The following ZNF354B variants were observed in gnomAD, a reference collection of about 807,000 sequenced individuals.
The protein encoded by ZNF354B is zinc finger protein 354B.
Under a neutral mutation model 12.9 loss-of-function variants are expected in ZNF354B, and 10 were observed. The ratio of observed to expected loss-of-function variants is 0.77; its 90% CI spans 0.48 to 1.31. ZNF354B has a LOEUF of 1.31. Among genes scored for constraint, ZNF354B ranks in the 40% most tolerant of loss-of-function variants. ZNF354B has a pLI of 0.00. For synonymous variants in ZNF354B, 260 were observed against 243.7 expected, an observed-to-expected ratio of 1.07 and a Z score of -0.62; for missense variants, 614 against 711.7, an observed-to-expected ratio of 0.86 and a Z score of 1.56.
At position 178,882,092 on chromosome 5, in the gene ZNF354B, T is replaced by C. The variant is rs141833722; in HGVS notation, c.257-617T>C. 4.2e-3 allele frequency among the ~76,000 whole-genome samples: 641 copies of C among 152,356 alleles called. 2 individuals carry two copies. The highest frequency in any genetic ancestry group is 7.3e-3 in the Non-Finnish European group (497 of 68,040). ...CTTTAGGACAAAGGTCTATGTATTCTATTATGTTGAGGAAGTATCCCTCAG... is the reference window on the plus strand; with the variant it reads ...CTTTAGGACAAAGGTCTATGTATTCCATTATGTTGAGGAAGTATCCCTCAG... On this transcript the variant is annotated intron_variant, in intron 4 of 4. Coordinates refer to ENST00000322434, the MANE Select transcript of ZNF354B (RefSeq NM_058230.3).
Position 178,884,366 on chromosome 5 carries a change from T to C in ZNF354B, c.*75T>C. 5 of 1,425,320 alleles carry C rather than the reference T, an allele frequency of 3.5e-6. No homozygotes were observed. Among genetic ancestry groups the C allele is most frequent in the Non-Finnish European group, 4.7e-6 (5 of 1,059,944 alleles). 88.3% of individuals were successfully genotyped at this position (1,425,320 alleles called of 1,614,324 possible). On this transcript the variant is annotated 3_prime_UTR_variant, in exon 5 of 5. Transcript: ENST00000322434. ...TTAAATATAATGAATATGAGAAAACTCTTAGTTCTCATCAGATACTAAGTT... is the reference window on the plus strand; with the variant it reads ...TTAAATATAATGAATATGAGAAAACCCTTAGTTCTCATCAGATACTAAGTT...
At chr5:178,869,573 G>C (rs1757528794) in intron 4 of ZNF354B, among the ~76,000 whole-genome samples, 1 of 152,050 alleles carries the variant, frequency 6.6e-6, no homozygotes, top group South Asian at 2.1e-4. Flanking sequence ...TAACTAGGGA[G>C]CACCTGATGG....
chr5:178,880,828 GTCATTTT>G, intron 4 of ZNF354B, among the ~76,000 whole-genome samples: 1 of 135,182 alleles, frequency 7.4e-6, no homozygotes, highest in Non-Finnish European at 1.6e-5. Flanking sequence ...TCAACTCATG[GTCATTTT>G]TTTTTTTTTT....
intron 4 of ZNF354B, among the ~76,000 whole-genome samples, chr5:178,881,659 C>A (rs1024648172): frequency 6.6e-6 from 1 of 152,060 alleles, no homozygotes; most frequent in African/African-American, 2.4e-5. Context: ...ATCATTCATT[C>A]TCTGGACTGT....
At chr5:178,875,010 G>T (rs774006408) in intron 4 of ZNF354B, among the ~76,000 whole-genome samples, 1 of 152,196 alleles carries the variant, frequency 6.6e-6, no homozygotes, top group Non-Finnish European at 1.5e-5. Context: ...TAATTTTGGT[G>T]TTAAAGTTTG....
chr5:178,880,939 T>A (rs1757707542), intron 4 of ZNF354B, among the ~76,000 whole-genome samples: 1 of 142,240 alleles, frequency 7.0e-6, no homozygotes, highest in South Asian at 2.3e-4. Flanking sequence ...GCCCCCAGGG[T>A]TCAAGTGATT....
chr5:178,883,919 T>G lies in ZNF354B; in HGVS notation c.1467T>G (p.Thr489=), dbSNP rs148337207. ...SALIQHQRMH[T]GERPYKCNEC... is the part of the protein sequence containing the mutation. ...TCATTCAACATCAGAGAATGCATAC[T>G]GGAGAAAGACCCTATAAGTGTAACG... Residue 489 remains threonine (T), a synonymous_variant, in exon 5 of 5, where the codon ACT becomes ACG. Coordinates refer to ENST00000322434, the MANE Select transcript of ZNF354B (RefSeq NM_058230.3). The G allele has an allele frequency of 2.5e-5, 40 of 1,613,972 alleles. No homozygotes were observed. The highest frequency in any genetic ancestry group is 1.0e-4 in the Admixed American group (6 of 59,986).
intron 2 of ZNF354B, among the ~76,000 whole-genome samples, chr5:178,861,985 A>C (rs77985640): frequency 6.6e-6 from 1 of 152,096 alleles, no homozygotes; most frequent in African/African-American, 2.4e-5. Flanking sequence ...TTGCTGAGTG[A>C]CATTATTGTC....
intron 4 of ZNF354B, among the ~76,000 whole-genome samples, chr5:178,868,829 G>A (rs548420905): frequency 1.5e-3 from 235 of 152,166 alleles, no homozygotes; most frequent in Non-Finnish European, 2.0e-3. Context: ...AAAATTAGCC[G>A]GGCATGGTGG....
At chr5:178,877,774 A>G (rs1162751102) in intron 4 of ZNF354B, among the ~76,000 whole-genome samples, 2 of 152,182 alleles carry the variant, frequency 1.3e-5, no homozygotes, top group Non-Finnish European at 2.9e-5. Context: ...GCTGCTGCCA[A>G]CTAATATTAA....
chr5:178,880,655 A>G (rs1238375206), intron 4 of ZNF354B, among the ~76,000 whole-genome samples: 1 of 151,178 alleles, frequency 6.6e-6, no homozygotes, highest in African/African-American at 2.4e-5. Flanking sequence ...CACTATGCCC[A>G]GCTAATTTAT....
rs1236233327 is a variant in ZNF354B, at chr5:178,883,367, A to G, written c.915A>G (p.Lys305=). 7 of 1,614,134 alleles carry G rather than the reference A, an allele frequency of 4.3e-6. No individual in the cohort carries two copies. Among genetic ancestry groups the G allele is most frequent in the Non-Finnish European group, 5.1e-6 (6 of 1,180,008 alleles). ...EKCYRCKECG[K]SFSRRSGLFI... ...GCTATAGATGTAAAGAATGTGGTAA[A>G]TCCTTCAGTCGAAGGTCTGGGCTTT... The change falls in exon 5 of 5, where the codon AAA becomes AAG. Residue 305 remains lysine, a synonymous_variant. Transcript: ENST00000322434.
intron 4 of ZNF354B, 67 bp downstream of exon 4, chr5:178,867,138 G>A: frequency 2.8e-6 from 4 of 1,440,824 alleles, no homozygotes; most frequent in South Asian, 1.2e-5. Context: ...AGAGGAGGTA[G>A]GAACATTGGT....
At chr5:178,867,107 C>T in intron 4 of ZNF354B, 36 bp downstream of exon 4, 2 of 1,568,234 alleles carry the variant, frequency 1.3e-6, no homozygotes, top group South Asian at 2.2e-5. Context: ...GGAATGGCCG[C>T]AGACAATGGT....
At chr5:178,882,054 T>C (rs1757726183) in intron 4 of ZNF354B, among the ~76,000 whole-genome samples, 1 of 150,536 alleles carries the variant, frequency 6.6e-6, no homozygotes, top group Non-Finnish European at 1.5e-5. Flanking sequence ...CTAGTGTATT[T>C]AATAGATACT....
chr5:178,863,610 C>G (rs1378440696), intron 2 of ZNF354B, among the ~76,000 whole-genome samples: 2 of 152,146 alleles, frequency 1.3e-5, no homozygotes, highest in African/African-American at 4.8e-5. Flanking sequence ...TTGTACTATT[C>G]TTGTTATTTT....
intron 4 of ZNF354B, among the ~76,000 whole-genome samples, chr5:178,873,270 C>T (rs1561668810): frequency 6.6e-6 from 1 of 152,086 alleles, no homozygotes; most frequent in Non-Finnish European, 1.5e-5. Flanking sequence ...TTTACTGGTT[C>T]TTTTGAAGAA....
At chr5:178,873,321 T>G (rs536052918) in intron 4 of ZNF354B, among the ~76,000 whole-genome samples, 5 of 152,350 alleles carry the variant, frequency 3.3e-5, no homozygotes, top group African/African-American at 1.2e-4. Flanking sequence ...GATCAGTGTT[T>G]CCTTTTATGG....
intron 4 of ZNF354B, among the ~76,000 whole-genome samples, chr5:178,870,463 A>G (rs756678440): frequency 3.3e-4 from 50 of 152,170 alleles, no homozygotes; most frequent in Non-Finnish European, 5.4e-4. Context: ...TTTTTTTAGT[A>G]GAGACCGCGT....
Sources: allele counts gnomAD v4.1 joint callset (sites outside exome capture counted in the v4.1 genomes callset), GRCh38; gene constraint gnomAD v4.1.1; transcripts MANE v1.5; gene names NCBI Gene and HGNC (gene_info 2026-07-23, HGNC 2026-07-21).